Variants in GRHL2 observed in about 807,000 individuals in gnomAD.
GRHL2 encodes grainyhead-like protein 2 homolog.
In GRHL2, 21 loss-of-function variants were observed where a neutral mutation model predicts 83.8. That is an observed-to-expected ratio of 0.25 (90% CI 0.18 to 0.36). The LOEUF is 0.36. GRHL2 is among the 10% of genes least tolerant of loss of function. The pLI, the probability that GRHL2 is intolerant of heterozygous loss-of-function variation, is 1.00. For synonymous variants in GRHL2, 280 were observed against 278.9 expected, an observed-to-expected ratio of 1.00 and a Z score of -0.04; for missense variants, 623 against 781.8, an observed-to-expected ratio of 0.80 and a Z score of 2.42.
chr8:101,504,706 G>A (rs546268812), intron 1 of GRHL2, among the ~76,000 whole-genome samples: 1 of 151,812 alleles, frequency 6.6e-6, no homozygotes, highest in Non-Finnish European at 1.5e-5. Context: ...CTTCTCCCTG[G>A]AGGGCCACAC....
chr8:101,502,799 C>T (rs1390071958), intron 1 of GRHL2, among the ~76,000 whole-genome samples: 20 of 151,448 alleles, frequency 1.3e-4, no homozygotes, highest in Admixed American at 1.3e-3. Context: ...TCCTCATCCT[C>T]TTTCTTCTCC....
At chr8:101,676,559 C>G in the GRHL2 span, among the ~76,000 whole-genome samples, 2 of 152,128 alleles carry the variant, frequency 1.3e-5, no homozygotes, top group African/African-American at 2.4e-5. Flanking sequence ...AGTCAGGAAA[C>G]AACAGGTGCT....
rs4002324 is a variant in GRHL2 at position 101,550,178 on chromosome 8, C to CT, written c.217-2525dup. Reference sequence around the variant, plus strand: ...TAAGTTCTGGGATACATATGCAGGTCTTTTTTTTTTTTAAAAAAATTATCA... The same window carrying CT: ...TAAGTTCTGGGATACATATGCAGGTCTTTTTTTTTTTTTAAAAAAATTATCA... On this transcript the variant is annotated intron_variant, in intron 2 of 15. Coordinates refer to ENST00000646743, the MANE Select transcript of GRHL2 (RefSeq NM_024915.4). 2.3e-3 allele frequency among the ~76,000 whole-genome samples: 339 copies of CT among 149,424 alleles called. 1 individual carries two copies. The Middle Eastern group carries it at 0.035, about 15-fold the overall frequency.
In GRHL2 at chr8:101,669,645, TCTATAAA is replaced by T. The variant is rs1027292150; in HGVS notation, c.*2950_*2956del. On this transcript the variant is annotated 3_prime_UTR_variant, in exon 16 of 16. Transcript: ENST00000646743. Reference sequence around the variant, plus strand: ...AGTTTTGTAAATGGGAGAGGGGGAATCTATAAACTATAAATACAGTTATTTTATTTTT... The same window carrying T: ...AGTTTTGTAAATGGGAGAGGGGGAATCTATAAATACAGTTATTTTATTTTT... 4 of 152,290 alleles carry T rather than the reference TCTATAAA, an allele frequency of 2.6e-5. No individual in the cohort carries two copies. The highest frequency in any genetic ancestry group is 5.9e-5 in the Non-Finnish European group (4 of 68,016). The allele number at this position is 152,290 out of a possible 1,614,324, so 9.4% of individuals were successfully genotyped here.
At chr8:101,579,048 G>C (rs976123610) in intron 7 of GRHL2, among the ~76,000 whole-genome samples, 13 of 152,320 alleles carry the variant, frequency 8.5e-5, no homozygotes, top group African/African-American at 3.1e-4. Flanking sequence ...CAGATAATTA[G>C]TGCAAGAGCC....
chr8:101,520,515 C>G (rs1468850359), intron 1 of GRHL2, among the ~76,000 whole-genome samples: 1 of 152,118 alleles, frequency 6.6e-6, no homozygotes, highest in Non-Finnish European at 1.5e-5. Flanking sequence ...CCTACAACCT[C>G]TTTTCTGTTC....
rs1812879066 is a variant in GRHL2 at position 101,617,484 on chromosome 8, CA to C, written c.1099-2050del. Reference sequence around the variant, plus strand: ...ACTAGATCAGGTCTAGTAGTTAAATCAAAAATTCAAAAGGCTTTTATTTTAT... The same window carrying C: ...ACTAGATCAGGTCTAGTAGTTAAATCAAAATTCAAAAGGCTTTTATTTTAT... On this transcript the variant is annotated intron_variant, in intron 8 of 15. Coordinates refer to ENST00000646743, the MANE Select transcript of GRHL2 (RefSeq NM_024915.4). 2.0e-5 allele frequency among the ~76,000 whole-genome samples: 3 copies of C among 152,098 alleles called. No homozygotes were observed. The South Asian group carries it at 6.2e-4, about 32-fold the overall frequency.
At chr8:101,639,004 C>T (rs1452964124) in intron 12 of GRHL2, among the ~76,000 whole-genome samples, 1 of 152,206 alleles carries the variant, frequency 6.6e-6, no homozygotes, top group Admixed American at 6.5e-5. Flanking sequence ...TTCCATCCAA[C>T]ACTAACATGC....
chr8:101,530,738 CTTG>C (rs1302361105), intron 1 of GRHL2, among the ~76,000 whole-genome samples: 2 of 152,260 alleles, frequency 1.3e-5, no homozygotes, highest in Non-Finnish European at 2.9e-5. Context: ...ATAATGTAAA[CTTG>C]TTGTCTTTCT....
At position 101,492,604 on chromosome 8, in the gene GRHL2, C is replaced by T. The variant is rs774615041; in HGVS notation, c.-166C>T. On this transcript the variant is annotated 5_prime_UTR_variant, in exon 1 of 16. Coordinates refer to ENST00000646743, the MANE Select transcript of GRHL2 (RefSeq NM_024915.4). ...CCGGCTAGGTGAGGGCGCGAGCGGG[C>T]GAGCGAGCGAGAGTGGTGAGGGGGG... The T allele has an allele frequency of 1.4e-5, 10 of 724,384 alleles. No homozygotes were observed. The highest frequency in any genetic ancestry group is 2.3e-5 in the Non-Finnish European group (9 of 392,890). 44.9% of individuals were successfully genotyped at this position (724,384 alleles called of 1,614,324 possible).
In GRHL2 at chr8:101,669,250, T is replaced by TTTTCTTTTCTTTC. The variant is rs1447173107; in HGVS notation, c.*2555_*2556insCTTTCTTTCTTTT. 6.8e-5 allele frequency: 5 copies of TTTTCTTTTCTTTC among 73,836 alleles called. No individual in the cohort carries two copies. The highest frequency in any genetic ancestry group is 2.6e-4 in the African/African-American group (4 of 15,128). 4.6% of individuals were successfully genotyped at this position (73,836 alleles called of 1,614,324 possible). A position where few individuals can be genotyped will look rare whatever the true frequency, so the allele number is the denominator to read the frequency against. On this transcript the variant is annotated 3_prime_UTR_variant, in exon 16 of 16. Coordinates refer to ENST00000646743, the MANE Select transcript of GRHL2 (RefSeq NM_024915.4). Reference sequence around the variant, plus strand: ...TCATGGACATGTGAAATGAGCATTTTTTTCTTTTTTTTTTTTAACAAAGTC... The same window carrying TTTTCTTTTCTTTC: ...TCATGGACATGTGAAATGAGCATTTTTTTCTTTTCTTTCTTTCTTTTTTTTTTTTAACAAAGTC...
chr8:101,500,676 T>C (rs922277280), intron 1 of GRHL2, among the ~76,000 whole-genome samples: 14 of 152,124 alleles, frequency 9.2e-5, no homozygotes, highest in Non-Finnish European at 1.8e-4. Context: ...GCCCGGCTAA[T>C]TTTTTGGTAT....
At chr8:101,547,354 T>G (rs1053126956) in intron 2 of GRHL2, among the ~76,000 whole-genome samples, 4 of 152,220 alleles carry the variant, frequency 2.6e-5, no homozygotes, top group Non-Finnish European at 5.9e-5. Context: ...ATGAATTGAT[T>G]CTATTTTTGT....
At chr8:101,619,060 T>A (rs1812911267) in intron 8 of GRHL2, among the ~76,000 whole-genome samples, 2 of 152,158 alleles carry the variant, frequency 1.3e-5, no homozygotes, top group South Asian at 4.1e-4. Context: ...GAGACCATCC[T>A]GGCTAACACA....
intron 1 of GRHL2, among the ~76,000 whole-genome samples, chr8:101,518,879 G>A (rs888867002): frequency 6.6e-6 from 1 of 152,166 alleles, no homozygotes; most frequent in African/African-American, 2.4e-5. Context: ...AGCACTCTAC[G>A]TAATTTGTTG....
At chr8:101,607,283 C>T (rs901633174) in intron 8 of GRHL2, among the ~76,000 whole-genome samples, 1 of 152,212 alleles carries the variant, frequency 6.6e-6, no homozygotes, top group Admixed American at 6.5e-5. Flanking sequence ...TGCTGACCTC[C>T]ACTGCTGGAT....
intron 4 of GRHL2, among the ~76,000 whole-genome samples, chr8:101,563,615 T>C (rs1412388418): frequency 2.0e-5 from 3 of 152,234 alleles, no homozygotes; most frequent in Non-Finnish European, 4.4e-5. Context: ...AGCTTTACAA[T>C]CAAACTTTCA....
At chr8:101,543,579 C>T in intron 2 of GRHL2, 143 bp downstream of exon 2, 1 of 766,084 alleles carries the variant, frequency 1.3e-6, no homozygotes. Flanking sequence ...TCTTCCTGTT[C>T]TCCTTGCTCC....
At chr8:101,493,306 C>G (rs958502121) in intron 1 of GRHL2, among the ~76,000 whole-genome samples, 1 of 152,192 alleles carries the variant, frequency 6.6e-6, no homozygotes, top group African/African-American at 2.4e-5. Context: ...TCGCACCGGG[C>G]AGGAGGGTGG....
Sources: gnomAD v4.1 joint callset for allele counts (sites outside exome capture counted in the v4.1 genomes callset) on GRCh38, gnomAD v4.1.1 for gene constraint, MANE v1.5 for transcripts, NCBI Gene and HGNC (gene_info 2026-07-23, HGNC 2026-07-21) for gene names.